The following ANKH variants were observed in gnomAD, a reference collection of about 807,000 sequenced individuals.
The protein encoded by ANKH is mineralization regulator ANKH.
ANKH carries 15 observed loss-of-function variants against 49.0 expected under a neutral mutation model. The ratio of observed to expected loss-of-function variants is 0.31; its 90% CI spans 0.20 to 0.47. The LOEUF is 0.47. ANKH is among the 20% of genes least tolerant of loss of function. ANKH has a pLI of 1.00. For missense variants in ANKH, 429 were observed against 652.0 expected (o/e 0.66, Z 3.72); for synonymous variants, 273 against 260.0 (o/e 1.05, Z -0.48).
intron 1 of ANKH, among the ~76,000 whole-genome samples, chr5:14,842,419 A>C (rs1741839065): frequency 6.6e-6 from 1 of 152,178 alleles, no homozygotes; most frequent in South Asian, 2.1e-4. Context: ...GGAGGATCCA[A>C]GCCAGTTCGG....
intron 1 of ANKH, among the ~76,000 whole-genome samples, chr5:14,772,291 T>C (rs562909273): frequency 1.9e-4 from 29 of 152,314 alleles, no homozygotes; most frequent in African/African-American, 6.7e-4. Flanking sequence ...TGACATTCTC[T>C]GCAAAGCACT....
chr5:14,830,142 C>T (rs188107578), intron 1 of ANKH, among the ~76,000 whole-genome samples: 17 of 152,294 alleles, frequency 1.1e-4, no homozygotes, highest in South Asian at 2.1e-4. Context: ...TACCTATGGA[C>T]GACTACGAAG....
chr5:14,798,031 C>T (rs182269053), intron 1 of ANKH: 3 of 1,580,830 alleles, frequency 1.9e-6, no homozygotes, highest in African/African-American at 2.7e-5. Context: ...ACTTTTCCTT[C>T]ATGGTTGATC....
At position 14,835,048 on chromosome 5, in the gene ANKH, T is replaced by C. The variant is rs182158236; in HGVS notation, c.96+36304A>G. On this transcript the variant is annotated intron_variant, in intron 1 of 11. Transcript: ENST00000284268. ...GAAAAGGTTATTTACTTCAGTAACATTACTTTAATCAAGCAAGATTAACCA... is the reference window on the plus strand; with the variant it reads ...GAAAAGGTTATTTACTTCAGTAACACTACTTTAATCAAGCAAGATTAACCA... Among the ~76,000 whole-genome samples, 11 of 152,296 alleles carry C rather than the reference T, an allele frequency of 7.2e-5. No individual in the cohort carries two copies. In the East Asian group the frequency reaches 2.1e-3, roughly 29 times the overall value.
chr5:14,831,470 C>T (rs1741504607), intron 1 of ANKH, among the ~76,000 whole-genome samples: 1 of 152,188 alleles, frequency 6.6e-6, no homozygotes, highest in South Asian at 2.1e-4. Flanking sequence ...ACTCAAGGCA[C>T]TAGAATGACA....
intron 8 of ANKH, among the ~76,000 whole-genome samples, chr5:14,734,914 A>G (rs893562762): frequency 2.6e-5 from 4 of 152,258 alleles, no homozygotes; most frequent in Non-Finnish European, 2.9e-5. Flanking sequence ...GAAGAAATAC[A>G]AATGAATAAA....
At chr5:14,779,076 T>C (rs1739726689) in intron 1 of ANKH, among the ~76,000 whole-genome samples, 1 of 152,200 alleles carries the variant, frequency 6.6e-6, no homozygotes, top group Admixed American at 6.5e-5. Context: ...AATTTCTTAT[T>C]GCTTCTCTCT....
intron 1 of ANKH, chr5:14,797,287 C>T (rs1580076101): frequency 6.7e-7 from 1 of 1,499,568 alleles, no homozygotes; most frequent in Non-Finnish European, 9.3e-7. Context: ...GCAGTGTGAC[C>T]ACCATGAATA....
At chr5:14,871,110 G>T in intron 1 of ANKH, 1 of 640,468 alleles carries the variant, frequency 1.6e-6, no homozygotes, top group Non-Finnish European at 2.9e-6. Flanking sequence ...CATAGGTGAA[G>T]CTTCACACCA....
chr5:14,785,582 A>G (rs1459794132), intron 1 of ANKH, among the ~76,000 whole-genome samples: 4 of 152,168 alleles, frequency 2.6e-5, no homozygotes, highest in Admixed American at 2.6e-4. Flanking sequence ...TCTTCTCATT[A>G]TAAGTTATCC....
chr5:14,863,360 C>T (rs187686104), intron 1 of ANKH, among the ~76,000 whole-genome samples: 19 of 152,276 alleles, frequency 1.2e-4, no homozygotes, highest in East Asian at 1.9e-4. Context: ...TTGAATCTCA[C>T]GTGACTGCCT....
At chr5:14,864,964 T>C (rs1019013578) in intron 1 of ANKH, among the ~76,000 whole-genome samples, 1 of 152,100 alleles carries the variant, frequency 6.6e-6, no homozygotes, top group African/African-American at 2.4e-5. Context: ...AATTATGTTA[T>C]AAAAATAAAT....
chr5:14,847,409 G>C (rs1020030040), intron 1 of ANKH, among the ~76,000 whole-genome samples: 1 of 152,174 alleles, frequency 6.6e-6, no homozygotes, highest in Admixed American at 6.5e-5. Context: ...GTGGGAGAAA[G>C]GTTCCACTCG....
intron 8 of ANKH, among the ~76,000 whole-genome samples, chr5:14,738,763 CA>C (rs1193417563): frequency 6.6e-6 from 1 of 151,432 alleles, no homozygotes; most frequent in Non-Finnish European, 1.5e-5. Context: ...AAAAAAAACC[CA>C]AAACCAAGGA....
intron 1 of ANKH, among the ~76,000 whole-genome samples, chr5:14,779,924 A>AT: frequency 6.6e-6 from 1 of 152,244 alleles, no homozygotes; most frequent in Middle Eastern, 3.4e-3. Context: ...GAAAGTAAAG[A>AT]TTTTTTTCAA....
At chr5:14,812,234 A>G (rs1740905886) in intron 1 of ANKH, among the ~76,000 whole-genome samples, 1 of 152,064 alleles carries the variant, frequency 6.6e-6, no homozygotes, top group Non-Finnish European at 1.5e-5. Context: ...CCAAAACCCC[A>G]AACTTATTAT....
chr5:14,784,048 T>C (rs1429849157), intron 1 of ANKH, among the ~76,000 whole-genome samples: 2 of 152,360 alleles, frequency 1.3e-5, no homozygotes, highest in East Asian at 3.9e-4. Context: ...GGCTGCAGCA[T>C]CAGAAGGCGT....
At chr5:14,819,573 C>T (rs1211270753) in intron 1 of ANKH, among the ~76,000 whole-genome samples, 1 of 152,094 alleles carries the variant, frequency 6.6e-6, no homozygotes, top group Non-Finnish European at 1.5e-5. Context: ...GATTAAAATA[C>T]GTGAAGCCTT....
At chr5:14,829,061 G>C (rs1466928400) in intron 1 of ANKH, among the ~76,000 whole-genome samples, 1 of 151,942 alleles carries the variant, frequency 6.6e-6, no homozygotes, top group Non-Finnish European at 1.5e-5. Flanking sequence ...GTGGGCACCT[G>C]TAATCCCAGC....
Sources: gnomAD v4.1 joint callset for allele counts (sites outside exome capture counted in the v4.1 genomes callset) on GRCh38, gnomAD v4.1.1 for gene constraint, MANE v1.5 for transcripts, NCBI Gene and HGNC (gene_info 2026-07-23, HGNC 2026-07-21) for gene names.